The following ADAM17 variants were observed in gnomAD, a reference collection of about 807,000 sequenced individuals.
ADAM17 encodes the protein ADAM metallopeptidase domain 17, also known as disintegrin and metalloproteinase domain-containing protein 17.
A neutral mutation model predicts 96.7 loss-of-function variants in ADAM17; 39 were observed. The ratio of observed to expected loss-of-function variants is 0.40; its 90% CI spans 0.31 to 0.53. ADAM17 has a LOEUF of 0.53. Ranked by LOEUF, ADAM17 falls within the 20% of genes least tolerant of loss-of-function variation. The pLI, the probability that ADAM17 is intolerant of heterozygous loss-of-function variation, is 0.44. For missense variants in ADAM17, 777 were observed against 1,013.2 expected (o/e 0.77, Z 3.17); for synonymous variants, 344 against 359.2 (o/e 0.96, Z 0.48).
At position 9,550,732 on chromosome 2, in the gene ADAM17, A is replaced by C. The variant is rs541177261; in HGVS notation, c.97+4777T>G. 5.3e-5 allele frequency among the ~76,000 whole-genome samples: 8 copies of C among 151,526 alleles called. No homozygotes were observed. In the East Asian group the frequency reaches 9.9e-4, roughly 19 times the overall value. ...AGTGCTGGGACTATAGGTGTAAGCC[A>C]CTGTGTCCAGCTACTCATTCTTGTA... is the stretch of plus-strand genomic sequence containing the variant. On this transcript the variant is annotated intron_variant, in intron 1 of 18. Transcript: ENST00000310823.
At chr2:9,508,105 A>G (rs1461089748) in intron 11 of ADAM17, among the ~76,000 whole-genome samples, 1 of 152,192 alleles carries the variant, frequency 6.6e-6, no homozygotes, top group Admixed American at 6.5e-5. Flanking sequence ...CTGCAAAGTA[A>G]AACATTTTGC....
intron 1 of ADAM17, among the ~76,000 whole-genome samples, chr2:9,545,386 T>C (rs6743272): frequency 0.064 from 9,706 of 151,994 alleles, 1,095 homozygotes; most frequent in African/African-American, 0.22. Context: ...CTGGCCAACA[T>C]GGCAAAACCC....
chr2:9,536,850 T>C (rs753572850), intron 2 of ADAM17, 22 bp from the exon 3 acceptor site: 177 of 1,610,938 alleles, frequency 1.1e-4, no homozygotes, highest in Non-Finnish European at 1.2e-4. Flanking sequence ...TGCATTCATA[T>C]TTTACTCTAA....
intron 6 of ADAM17, among the ~76,000 whole-genome samples, chr2:9,524,479 T>TA (rs199762973): frequency 3.4e-4 from 50 of 145,788 alleles, no homozygotes; most frequent in East Asian, 5.9e-4. Context: ...GACAGAGCCT[T>TA]AAAAAAAAAA....
intron 12 of ADAM17, among the ~76,000 whole-genome samples, chr2:9,503,317 T>C (rs16867041): frequency 0.064 from 9,713 of 152,180 alleles, 1,091 homozygotes; most frequent in African/African-American, 0.22. Flanking sequence ...ACCCTTTTAC[T>C]TCTAAGCCAG....
intron 17 of ADAM17, 74 bp downstream of exon 17, chr2:9,492,824 T>C (rs952581832): frequency 2.3e-6 from 3 of 1,327,828 alleles, no homozygotes; most frequent in African/African-American, 1.5e-5. Context: ...GTTTTACCTT[T>C]TCCAGAGATT....
chr2:9,491,265 G>C (rs1034205004), intron 17 of ADAM17, 114 bp from the exon 18 acceptor site: 5 of 903,150 alleles, frequency 5.5e-6, no homozygotes, highest in Non-Finnish European at 8.5e-6. Flanking sequence ...CTGAGTTGTA[G>C]AAAGTGATAG....
At chr2:9,497,683 A>G (rs933991212) in intron 13 of ADAM17, among the ~76,000 whole-genome samples, 2 of 152,174 alleles carry the variant, frequency 1.3e-5, no homozygotes, top group Non-Finnish European at 2.9e-5. Context: ...AGTTCCTTCA[A>G]TATTAACAGA....
chr2:9,534,390 C>G (rs1664871811), intron 4 of ADAM17, among the ~76,000 whole-genome samples: 1 of 151,200 alleles, frequency 6.6e-6, no homozygotes, highest in Non-Finnish European at 1.5e-5. Context: ...AAAAAATTAG[C>G]CGGACATCAT....
At chr2:9,525,384 A>AG (rs1245466876) in intron 6 of ADAM17, among the ~76,000 whole-genome samples, 2 of 151,986 alleles carry the variant, frequency 1.3e-5, no homozygotes, top group African/African-American at 4.8e-5. Context: ...GCATGGGAAA[A>AG]GCAAGGCAAT....
intron 10 of ADAM17, among the ~76,000 whole-genome samples, chr2:9,515,754 AAAAAG>A (rs1664026844): frequency 6.8e-6 from 1 of 147,882 alleles, no homozygotes; most frequent in Non-Finnish European, 1.5e-5. Flanking sequence ...AAAAAAAAGA[AAAAAG>A]AAAAAGAAAA....
At chr2:9,514,679 C>T (rs1402121241) in intron 10 of ADAM17, among the ~76,000 whole-genome samples, 2 of 150,776 alleles carry the variant, frequency 1.3e-5, no homozygotes, top group East Asian at 2.0e-4. Context: ...TGAGACCATC[C>T]TGGCTAACAC....
chr2:9,526,218 CTCT>C lies in ADAM17; in HGVS notation c.643_645del (p.Arg215del), dbSNP rs2125025999. 3.1e-6 allele frequency: 5 copies of C among 1,613,828 alleles called. No homozygotes were observed. Among genetic ancestry groups the C allele is most frequent in the Non-Finnish European group, 4.2e-6 (5 of 1,179,898 alleles). ...GTGTTCTTCATGGGATCTGGGTCAG[CTCT>C]TCTTTTCACTCGATGAACAAGCTCT... On this transcript the variant is annotated inframe_deletion, in exon 6 of 19. Coordinates refer to ENST00000310823, the MANE Select transcript of ADAM17 (RefSeq NM_003183.6).
rs565264633 is a variant in ADAM17, at chr2:9,528,326, T to C, written c.451-372A>G. On this transcript the variant is annotated intron_variant, in intron 4 of 18. Transcript: ENST00000310823. ...ACTGTTATAGGTGATGGTGCTATAGTAATGAAAATTGGACAAGGTTTCTGT... is the reference window on the plus strand; with the variant it reads ...ACTGTTATAGGTGATGGTGCTATAGCAATGAAAATTGGACAAGGTTTCTGT... Among the ~76,000 whole-genome samples the C allele has an allele frequency of 2.6e-4, 40 of 152,342 alleles. No homozygotes were observed. In the Middle Eastern group the frequency reaches 0.017, roughly 65 times the overall value.
rs1008756508 is a variant in ADAM17 at position 9,527,882 on chromosome 2, C to G, written c.523G>C (p.Val175Leu). The change falls in exon 5 of 19, where the codon GTT becomes CTT. Residue 175 changes from valine to leucine, a missense_variant. Val to Leu is a conservative substitution (Grantham distance 32). Around this residue, in one of 3 missense-constraint regions of ADAM17, gnomAD observed 446 missense variants for 664.7 expected, o/e 0.67. Transcript: ENST00000310823. ...LVYKSEDIKN[V>L]SRLQSPKVCG... ...ACTTTTGGAGACTGCAAACGTGAAA[C>G]ATTCTTGATATCTTCAGATTTATAA... 1 of 1,598,160 alleles carries G rather than the reference C, an allele frequency of 6.3e-7. No homozygotes were observed.
At chr2:9,521,672 G>T (rs34753951) in intron 7 of ADAM17, 24,002 of 153,682 alleles carry the variant, frequency 0.16, 2,102 homozygotes, top group Middle Eastern at 0.27. Flanking sequence ...ATCTCTTTGT[G>T]CATCAAAGGA....
At chr2:9,543,117 G>A in intron 2 of ADAM17, 36 bp downstream of exon 2, 1 of 1,526,456 alleles carries the variant, frequency 6.6e-7, no homozygotes, top group Non-Finnish European at 8.8e-7. Context: ...CAAGCCCCCA[G>A]TGCCCCAACA....
chr2:9,489,947 A>T lies in ADAM17; in HGVS notation c.*230T>A. The T allele has an allele frequency of 2.2e-6, 1 of 453,862 alleles. No homozygotes were observed. Among genetic ancestry groups the T allele is most frequent in the Non-Finnish European group, 3.9e-6 (1 of 256,688 alleles). 28.1% of individuals were successfully genotyped at this position (453,862 alleles called of 1,614,324 possible). A position where few individuals can be genotyped will look rare whatever the true frequency, so the allele number is the denominator to read the frequency against. ...CACCACAGGTCAAAAGATATTTTAA[A>T]AACTAAAACCTGAAAGCCTCAAAAT... On this transcript the variant is annotated 3_prime_UTR_variant, in exon 19 of 19. Coordinates refer to ENST00000310823, the MANE Select transcript of ADAM17 (RefSeq NM_003183.6).
intron 12 of ADAM17, among the ~76,000 whole-genome samples, chr2:9,502,879 C>CAAAAAAAAAAAAA (rs758081961): frequency 2.3e-5 from 1 of 43,594 alleles, no homozygotes; most frequent in Non-Finnish European, 4.0e-5. Context: ...AATTCTGTCT[C>CAAAAAAAAAAAAA]AAAAAAAAAA....
Sources: allele counts gnomAD v4.1 joint callset (sites outside exome capture counted in the v4.1 genomes callset), GRCh38; gene constraint gnomAD v4.1.1; regional missense constraint gnomAD v4.1.1; transcripts MANE v1.5; gene names NCBI Gene and HGNC (gene_info 2026-07-23, HGNC 2026-07-21).